USP6: variants seen among roughly 807,000 people sequenced by gnomAD.
USP6 encodes the protein ubiquitin carboxyl-terminal hydrolase 6.
In USP6, 128 loss-of-function variants were observed where a neutral mutation model predicts 175.7. That is an observed-to-expected ratio of 0.73 (90% CI 0.63 to 0.84). The LOEUF is 0.84. Among genes scored for constraint, USP6 ranks in the 40% least tolerant of loss-of-function variants. USP6 has a pLI of 0.00. For synonymous variants in USP6, 562 were observed against 630.6 expected, an observed-to-expected ratio of 0.89 and a Z score of 1.63; for missense variants, 1,498 against 1,760.3, an observed-to-expected ratio of 0.85 and a Z score of 2.67.
intron 13 of USP6, 141 bp from the exon 14 acceptor site, chr17:5,133,302 A>T (rs2073136509): frequency 1.0e-6 from 1 of 984,284 alleles, no homozygotes; most frequent in Admixed American, 2.1e-5. Context: ...CAGTCCTGGG[A>T]AGGGAGACCC....
intron 37 of USP6, among the ~76,000 whole-genome samples, chr17:5,172,302 T>C (rs368805856): frequency 5.0e-4 from 76 of 151,604 alleles, no homozygotes; most frequent in East Asian, 2.1e-3. Flanking sequence ...GAGGCCAAGG[T>C]GGGCGGATCA....
chr17:5,173,157 A>G lies in USP6; in HGVS notation c.*179A>G, dbSNP rs977447999. On this transcript the variant is annotated 3_prime_UTR_variant, in exon 38 of 38. Coordinates refer to ENST00000574788, the MANE Select transcript of USP6 (RefSeq NM_001304284.2). ...AGAAACAATTGTATTTTGAAGTCTC[A>G]TACAAGCTGTCTGATAGAGAACTTT... 6 of 853,584 alleles carry G rather than the reference A, an allele frequency of 7.0e-6. No individual in the cohort carries two copies. The African/African-American group carries it at 1.0e-4, about 15-fold the overall frequency. 52.9% of individuals were successfully genotyped at this position (853,584 alleles called of 1,614,324 possible).
chr17:5,137,336 G>A, intron 19 of USP6, 150 bp downstream of exon 19: 2 of 1,101,808 alleles, frequency 1.8e-6, no homozygotes, highest in Non-Finnish European at 2.7e-6. Flanking sequence ...CTGCCCAAGA[G>A]GGGTCATCCC....
chr17:5,157,492 A>G (rs1336036418), intron 31 of USP6, among the ~76,000 whole-genome samples: 1 of 152,254 alleles, frequency 6.6e-6, no homozygotes, highest in East Asian at 1.9e-4. Context: ...TGTTTTGTTT[A>G]GTAAAGATGA....
rs547608150 is a variant in USP6 at position 5,124,271 on chromosome 17, G to A, written c.-1298-295G>A. Among the ~76,000 whole-genome samples, 3 of 152,340 alleles carry A rather than the reference G, an allele frequency of 2.0e-5. No homozygotes were observed. In the South Asian group the frequency reaches 6.2e-4, roughly 32 times the overall value. On this transcript the variant is annotated intron_variant, in intron 4 of 37. Transcript: ENST00000574788. Reference sequence around the variant, plus strand: ...TGAGAACCAGGACAGGGCCTGGGAAGTGAGTGATGCAATGAGGTTGGGCGG... The same window carrying A: ...TGAGAACCAGGACAGGGCCTGGGAAATGAGTGATGCAATGAGGTTGGGCGG...
At chr17:5,172,137 T>C (rs1356946864) in intron 37 of USP6, among the ~76,000 whole-genome samples, 1 of 148,040 alleles carries the variant, frequency 6.8e-6, no homozygotes, top group Non-Finnish European at 1.5e-5. Context: ...ACTGCACCAC[T>C]GCACTCCAGC....
intron 30 of USP6, among the ~76,000 whole-genome samples, chr17:5,151,876 A>G (rs1049674831): frequency 6.6e-6 from 1 of 152,208 alleles, no homozygotes; most frequent in Non-Finnish European, 1.5e-5. Context: ...CAGCCCTTGG[A>G]AGATAATAAT....
At chr17:5,117,027 C>T (rs2072553415) in intron 1 of USP6, among the ~76,000 whole-genome samples, 1 of 152,218 alleles carries the variant, frequency 6.6e-6, no homozygotes, top group Admixed American at 6.5e-5. Context: ...AAGGTAAGTA[C>T]TTTGCAGAAA....
At chr17:5,170,389 G>T in intron 35 of USP6, 90 bp from the exon 36 acceptor site, 1 of 1,532,184 alleles carries the variant, frequency 6.5e-7, no homozygotes, top group South Asian at 1.3e-5. Context: ...TGTGTGTACA[G>T]TTGCAAAGCT....
rs149335177 is a variant in USP6, at chr17:5,135,270, G to A, written c.531G>A (p.Ser177=). The A allele has an allele frequency of 2.5e-5, 40 of 1,612,628 alleles. 1 individual carries two copies. Among genetic ancestry groups the A allele is most frequent in the African/African-American group, 8.0e-5 (6 of 74,848 alleles). Residue 177 remains serine, a synonymous_variant, in exon 16 of 38, where the codon TCG becomes TCA. Coordinates refer to ENST00000574788, the MANE Select transcript of USP6 (RefSeq NM_001304284.2). ...RELFYILLAY[S]EYNPEVGYCR... ...TATTCTACATCCTCCTGGCCTATTC[G>A]GAGTATAACCCGGTGAGTATTCCCG...
At chr17:5,149,077 T>G (rs2073690989) in intron 30 of USP6, among the ~76,000 whole-genome samples, 1 of 152,132 alleles carries the variant, frequency 6.6e-6, no homozygotes, top group Non-Finnish European at 1.5e-5. Context: ...AACAGGATAG[T>G]CAGCACATCT....
At chr17:5,135,118 C>T (rs1190648926) in intron 15 of USP6, 116 bp from the exon 16 acceptor site, 6 of 1,205,778 alleles carry the variant, frequency 5.0e-6, no homozygotes, top group Non-Finnish European at 7.4e-6. Context: ...GAAGAGCTCA[C>T]TGCTTATCTG....
chr17:5,172,496 A>T (rs571068350), intron 37 of USP6, among the ~76,000 whole-genome samples: 7 of 152,366 alleles, frequency 4.6e-5, no homozygotes, highest in Non-Finnish European at 4.4e-5. Context: ...GCACCAGTGC[A>T]CACCAGCCTG....
In USP6 at chr17:5,170,682, G is replaced by A. The variant is rs1469348197; in HGVS notation, c.3721G>A (p.Asp1241Asn). Residue 1241 changes from aspartate to asparagine, a missense_variant, in exon 36 of 38, where the codon GAC (aspartate) becomes AAC (asparagine). By Grantham distance (23) the Asp-to-Asn change is conservative. Transcript: ENST00000574788. ...NGAGQICELA[D>N]ALSRGHMRGG... ...GGCTGGGCAGATCTGTGAGCTGGCT[G>A]ACGCCTTGAGCCGAGGGCATATGCG... is the stretch of plus-strand genomic sequence containing the variant. 1.2e-6 allele frequency: 2 copies of A among 1,613,970 alleles called. No homozygotes were observed. Among genetic ancestry groups the A allele is most frequent in the South Asian group, 2.2e-5 (2 of 91,072 alleles).
intron 22 of USP6, among the ~76,000 whole-genome samples, chr17:5,140,864 A>G (rs190212680): frequency 9.3e-4 from 142 of 152,298 alleles, no homozygotes; most frequent in Middle Eastern, 3.4e-3. Context: ...TGAGTTTTCC[A>G]TGGTGTTCTG....
rs766751996 is a variant in USP6, at chr17:5,132,287, G to A, written c.156-109G>A. 1 of 1,609,678 alleles carries A rather than the reference G, an allele frequency of 6.2e-7. No individual in the cohort carries two copies. Among genetic ancestry groups the A allele is most frequent in the Non-Finnish European group, 8.5e-7 (1 of 1,178,164 alleles). On this transcript the variant is annotated intron_variant, in intron 11 of 37. Coordinates refer to ENST00000574788, the MANE Select transcript of USP6 (RefSeq NM_001304284.2). The surrounding 1 kb of genome is among the most constrained non-coding windows in gnomAD (Gnocchi z 4.7). Reference sequence around the variant, plus strand: ...TTCCCTGTGCCTTCTCCCGGGCTGAGCCCTGAGCTGGATAGGGACAGAGCC... The same window carrying A: ...TTCCCTGTGCCTTCTCCCGGGCTGAACCCTGAGCTGGATAGGGACAGAGCC...
At position 5,174,142 on chromosome 17, in the gene USP6, G is replaced by T; in HGVS notation, c.*1164G>T. On this transcript the variant is annotated 3_prime_UTR_variant, in exon 38 of 38. Transcript: ENST00000574788. ...TATTTGTCTTTTTTTAAATTTTACAGTAGTCATTGAAAGTTATGTTTCTTT... is the reference window on the plus strand; with the variant it reads ...TATTTGTCTTTTTTTAAATTTTACATTAGTCATTGAAAGTTATGTTTCTTT... 5.0e-6 allele frequency: 1 copy of T among 198,402 alleles called. No homozygotes were observed. The allele number at this position is 198,402 out of a possible 1,614,324, so 12.3% of individuals were successfully genotyped here.
chr17:5,169,487 G>C (rs909355597), intron 35 of USP6, among the ~76,000 whole-genome samples: 12 of 152,084 alleles, frequency 7.9e-5, no homozygotes, highest in African/African-American at 2.9e-4. Flanking sequence ...CCAGGCTGGA[G>C]TGCAGTGGTG....
At chr17:5,160,852 A>ATAGG (rs2073991511) in intron 31 of USP6, among the ~76,000 whole-genome samples, 1 of 152,208 alleles carries the variant, frequency 6.6e-6, no homozygotes, top group African/African-American at 2.4e-5. Flanking sequence ...CAACAGTGTA[A>ATAGG]AAGTGTTCCT....
Sources: allele counts gnomAD v4.1 joint callset (sites outside exome capture counted in the v4.1 genomes callset), GRCh38; gene constraint gnomAD v4.1.1; non-coding constraint Gnocchi (gnomAD v3.1); transcripts MANE v1.5; gene names NCBI Gene and HGNC (gene_info 2026-07-23, HGNC 2026-07-21).